PRAMEF12: variants seen among roughly 807,000 people sequenced by gnomAD.
PRAMEF12 encodes PRAME family member 12.
Under a neutral mutation model 24.6 loss-of-function variants are expected in PRAMEF12, and 24 were observed. The observed-to-expected ratio is 0.98, with a 90% CI of 0.71 to 1.37. The LOEUF is 1.37. Among genes scored for constraint, PRAMEF12 ranks in the 40% most tolerant of loss-of-function variants. The pLI is 0.00. For synonymous variants in PRAMEF12, 286 were observed against 242.6 expected (o/e 1.18, Z -1.66); for missense variants, 646 against 580.3 (o/e 1.11, Z -1.16).
At position 12,775,853 on chromosome 1, in the gene PRAMEF12, G is replaced by A. The variant is rs1639043216; in HGVS notation, c.598G>A (p.Val200Met). The A allele has an allele frequency of 6.2e-7, 1 of 1,613,960 alleles. No individual in the cohort carries two copies. Among genetic ancestry groups the A allele is most frequent in the Non-Finnish European group, 8.5e-7 (1 of 1,180,016 alleles). Residue 200 changes from valine to methionine, a missense_variant, in exon 2 of 3, where the codon GTG (valine) becomes ATG (methionine). By Grantham distance (21) the Val-to-Met change is conservative (BLOSUM62 1). Coordinates refer to ENST00000357726, the MANE Select transcript of PRAMEF12 (RefSeq NM_001080830.5). ...IHRIIEVLNT[V>M]ELDCIQEVEV... The stretch of plus-strand genomic sequence containing the variant: ...CAGGATCATAGAGGTCCTGAACACG[G>A]TGGAGCTAGACTGTATCCAGGAGGT...
In PRAMEF12 at chr1:12,773,868, C is replaced by A. The variant is rs1023199111; in HGVS notation, c.-1000C>A. Among the ~76,000 whole-genome samples the A allele has an allele frequency of 1.3e-5, 2 of 152,192 alleles. No homozygotes were observed. Among genetic ancestry groups the A allele is most frequent in the Non-Finnish European group, 2.9e-5 (2 of 68,028 alleles). On this transcript the variant is annotated 5_prime_UTR_variant, in exon 1 of 3. Coordinates refer to ENST00000357726, the MANE Select transcript of PRAMEF12 (RefSeq NM_001080830.5). ...GCCCATCTGATCTGCAGCCAGCCAG[C>A]CAGTCAGGGATGGTGACATGCAGCC...
At position 12,774,343 on chromosome 1, in the gene PRAMEF12, T is replaced by C. The variant is rs538973593; in HGVS notation, c.-525T>C. On this transcript the variant is annotated 5_prime_UTR_variant, in exon 1 of 3. Transcript: ENST00000357726. ...ACCTTCATCTGAGAGTTAGTGTTTT[T>C]ATCCCTAACTTTCACAGGCTCTAGA... is the stretch of plus-strand genomic sequence containing the variant. 3.3e-5 allele frequency among the ~76,000 whole-genome samples: 5 copies of C among 152,206 alleles called. No individual in the cohort carries two copies. Among genetic ancestry groups the C allele is most frequent in the Non-Finnish European group, 7.3e-5 (5 of 68,030 alleles).
chr1:12,777,658 G>A lies in PRAMEF12; in HGVS notation c.*59G>A. The A allele has an allele frequency of 2.5e-6, 4 of 1,576,704 alleles. No homozygotes were observed. Among genetic ancestry groups the A allele is most frequent in the African/African-American group, 1.4e-5 (1 of 74,030 alleles). On this transcript the variant is annotated 3_prime_UTR_variant, in exon 3 of 3. Transcript: ENST00000357726. ...AGGCCATGAGTGTATGTCAAAGGGA[G>A]CACAGACCCATCGTTTCATATGCCT...
chr1:12,775,742 A>G lies in PRAMEF12; in HGVS notation c.487A>G (p.Thr163Ala). ...FKNGTLDECL[T>A]HFLEWGKQRK... ...GAATGGGACGCTGGATGAATGCCTCACCCACTTCTTAGAGTGGGGCAAGCA... is the reference window on the plus strand; with the variant it reads ...GAATGGGACGCTGGATGAATGCCTCGCCCACTTCTTAGAGTGGGGCAAGCA... The change falls in exon 2 of 3, where the codon ACC becomes GCC. Residue 163 changes from threonine to alanine, a missense_variant. Coordinates refer to ENST00000357726, the MANE Select transcript of PRAMEF12 (RefSeq NM_001080830.5). 3.7e-6 allele frequency: 6 copies of G among 1,613,606 alleles called. No individual in the cohort carries two copies. Among genetic ancestry groups the G allele is most frequent in the South Asian group, 1.1e-5 (1 of 91,050 alleles).
rs550802607 is a variant in PRAMEF12 at position 12,773,747 on chromosome 1, C to G, written c.-1121C>G. 6.6e-6 allele frequency among the ~76,000 whole-genome samples: 1 copy of G among 152,222 alleles called. No individual in the cohort carries two copies. The highest frequency in any genetic ancestry group is 1.9e-4 in the East Asian group (1 of 5,174). ...AAGGTGCACAGGAGAGAATCCAAGG[C>G]GCTGACACCTGGAGCTACTGCTCGG... On this transcript the variant is annotated 5_prime_UTR_variant, in exon 1 of 3. Transcript: ENST00000357726.
rs757628233 is a variant in PRAMEF12 at position 12,777,470 on chromosome 1, G to A, written c.1323G>A (p.Arg441=). 7 of 1,614,106 alleles carry A rather than the reference G, an allele frequency of 4.3e-6. No individual in the cohort carries two copies. The highest frequency in any genetic ancestry group is 5.1e-6 in the Non-Finnish European group (6 of 1,180,014). The part of the protein sequence containing the change: ...QLGAELMKTL[R]DLRQPKIIVF... ...GGGCTGAGCTGATGAAGACACTGAG[G>A]GACTTAAGGCAGCCCAAGATAATTG... Residue 441 remains arginine (R), a synonymous_variant, in exon 3 of 3, where the codon AGG becomes AGA. Coordinates refer to ENST00000357726, the MANE Select transcript of PRAMEF12 (RefSeq NM_001080830.5).
At position 12,774,923 on chromosome 1, in the gene PRAMEF12, G is replaced by A. The variant is rs368803182; in HGVS notation, c.56G>A (p.Arg19Lys). ...GAGCTGGCTGAGCAGAGTCTGCTGA[G>A]AGACCGGGCCTTGGCCATCCCCACC... ...LLELAEQSLL[R>K]DRALAIPTLE... The change falls in exon 1 of 3, where the codon AGA (arginine) becomes AAA (lysine). Residue 19 changes from arginine (R) to lysine (K), a missense_variant. Arg to Lys is a conservative substitution (Grantham distance 26, BLOSUM62 2). Coordinates refer to ENST00000357726, the MANE Select transcript of PRAMEF12 (RefSeq NM_001080830.5). 9.9e-6 allele frequency: 16 copies of A among 1,613,950 alleles called. No homozygotes were observed. Among genetic ancestry groups the A allele is most frequent in the African/African-American group, 1.3e-5 (1 of 74,916 alleles).
At position 12,775,601 on chromosome 1, in the gene PRAMEF12, T is replaced by TG. The variant is rs772319780; in HGVS notation, c.348dup (p.Ser117ValfsTer13). 3 of 1,613,926 alleles carry TG rather than the reference T, an allele frequency of 1.9e-6. No individual in the cohort carries two copies. Among genetic ancestry groups the TG allele is most frequent in the Non-Finnish European group, 2.5e-6 (3 of 1,179,958 alleles). ...TGTGGATGAGAACTTCTGGGGCATA[T>TG]GGTCTGGAGCTTCTGCACTCTCCCC... On this transcript the variant is annotated frameshift_variant, in exon 2 of 3. Transcript: ENST00000357726. LOFTEE classifies it high-confidence loss of function.
Position 12,775,862 on chromosome 1 carries a change from G to T in PRAMEF12, c.607G>T (p.Asp203Tyr). Residue 203 changes from aspartate (D) to tyrosine (Y), a missense_variant, in exon 2 of 3, where the codon GAC becomes TAC. By Grantham distance (160) the Asp-to-Tyr change is radical. Transcript: ENST00000357726. ...AGAGGTCCTGAACACGGTGGAGCTA[G>T]ACTGTATCCAGGAGGTGGAAGTGTG... ...IIEVLNTVEL[D>Y]CIQEVEVCCP... The T allele has an allele frequency of 6.2e-7, 1 of 1,614,116 alleles. No homozygotes were observed. The highest frequency in any genetic ancestry group is 2.2e-5 in the East Asian group (1 of 44,858).
In PRAMEF12 at chr1:12,777,401, T is replaced by C. The variant is rs771669808; in HGVS notation, c.1254T>C (p.Tyr418=). Residue 418 remains tyrosine, a synonymous_variant, in exon 3 of 3, where the codon TAT becomes TAC. Transcript: ENST00000357726. ...LELYPAPLES[Y]DAQGALCWGR... ...TGTATCCTGCCCCTCTGGAGAGTTA[T>C]GATGCCCAGGGTGCTCTCTGCTGGG... 6.2e-7 allele frequency: 1 copy of C among 1,613,920 alleles called. No homozygotes were observed. Among genetic ancestry groups the C allele is most frequent in the Non-Finnish European group, 8.5e-7 (1 of 1,179,892 alleles).
rs1050424010 is a variant in PRAMEF12 at position 12,774,539 on chromosome 1, G to A, written c.-329G>A. On this transcript the variant is annotated 5_prime_UTR_variant, in exon 1 of 3. It introduces an in-frame stop codon into an upstream open reading frame of the 5' UTR. Transcript: ENST00000357726. ...TTCTCGTTCCCATTGTTTTAGGGTG[G>A]TAAGTGACAAGAAATATTTTCTCAA... Among the ~76,000 whole-genome samples, 2 of 152,194 alleles carry A rather than the reference G, an allele frequency of 1.3e-5. No homozygotes were observed. The highest frequency in any genetic ancestry group is 2.9e-5 in the Non-Finnish European group (2 of 68,042).
Position 12,774,784 on chromosome 1 carries a change from C to A in PRAMEF12, c.-84C>A. ...GAACTAATTACCTTTCCACCTCTAC[C>A]AGAGCAATGACATTGGCACTAGGAG... On this transcript the variant is annotated 5_prime_UTR_variant, in exon 1 of 3. Transcript: ENST00000357726. 1 of 1,359,846 alleles carries A rather than the reference C, an allele frequency of 7.4e-7. No homozygotes were observed. Among genetic ancestry groups the A allele is most frequent in the Non-Finnish European group, 1.0e-6 (1 of 991,698 alleles). The allele number at this position is 1,359,846 out of a possible 1,614,324, so 84.2% of individuals were successfully genotyped here.
chr1:12,777,315 A>C lies in PRAMEF12; in HGVS notation c.1168A>C (p.Met390Leu), dbSNP rs192891447. Reference sequence around the variant, plus strand: ...CAGCTTCTGTGGGAACCTCATCTCCATGGCCGCCCTGGAGAACCTGCTGCG... The same window carrying C: ...CAGCTTCTGTGGGAACCTCATCTCCCTGGCCGCCCTGGAGAACCTGCTGCG... The part of the protein sequence containing the change: ...TFSFCGNLIS[M>L]AALENLLRHT... The change falls in exon 3 of 3, where the codon ATG becomes CTG. Residue 390 changes from methionine to leucine, a missense_variant. Coordinates refer to ENST00000357726, the MANE Select transcript of PRAMEF12 (RefSeq NM_001080830.5). 3.7e-5 allele frequency: 60 copies of C among 1,612,892 alleles called. No homozygotes were observed. In the African/African-American group the frequency reaches 7.2e-4, roughly 19 times the overall value.
In PRAMEF12 at chr1:12,775,161, T is replaced by A. The variant is rs780170279; in HGVS notation, c.287+7T>A. Reference sequence around the variant, plus strand: ...CCCAGAAGGTTCGCCCCAGGTGAGGTGACCCAGCTAACCAGGTGGGGAGGG... The same window carrying A: ...CCCAGAAGGTTCGCCCCAGGTGAGGAGACCCAGCTAACCAGGTGGGGAGGG... On this transcript the variant is annotated splice_region_variant and intron_variant, in intron 1 of 2. Transcript: ENST00000357726. The A allele has an allele frequency of 1.6e-5, 26 of 1,602,880 alleles. No homozygotes were observed. The highest frequency in any genetic ancestry group is 2.0e-5 in the Non-Finnish European group (24 of 1,174,168).
Position 12,777,690 on chromosome 1 carries a change from T to A in PRAMEF12, c.*91T>A, listed in dbSNP as rs763408973. ...CCCATCGTTTCATATGCCTGCTCAA[T>A]GTGAACCGGAAAGGAAAGGGGATGC... On this transcript the variant is annotated 3_prime_UTR_variant, in exon 3 of 3. Coordinates refer to ENST00000357726, the MANE Select transcript of PRAMEF12 (RefSeq NM_001080830.5). The A allele has an allele frequency of 6.9e-7, 1 of 1,449,792 alleles. No homozygotes were observed. The highest frequency in any genetic ancestry group is 9.4e-7 in the Non-Finnish European group (1 of 1,059,918). 89.8% of individuals were successfully genotyped at this position (1,449,792 alleles called of 1,614,324 possible).
Position 12,777,655 on chromosome 1 carries a change from G to A in PRAMEF12, c.*56G>A. 6.3e-7 allele frequency: 1 copy of A among 1,591,600 alleles called. No homozygotes were observed. Among genetic ancestry groups the A allele is most frequent in the Non-Finnish European group, 8.6e-7 (1 of 1,163,112 alleles). The stretch of plus-strand genomic sequence containing the variant: ...CCTAGGCCATGAGTGTATGTCAAAG[G>A]GAGCACAGACCCATCGTTTCATATG... On this transcript the variant is annotated 3_prime_UTR_variant, in exon 3 of 3. Transcript: ENST00000357726.
Position 12,775,640 on chromosome 1 carries a change from A to G in PRAMEF12, c.385A>G (p.Lys129Glu). 9 of 1,614,010 alleles carry G rather than the reference A, an allele frequency of 5.6e-6. No homozygotes were observed. Among genetic ancestry groups the G allele is most frequent in the Non-Finnish European group, 7.6e-6 (9 of 1,180,002 alleles). The change falls in exon 2 of 3, where the codon AAG becomes GAG. Residue 129 changes from lysine to glutamate, a missense_variant. By Grantham distance (56) the Lys-to-Glu change is moderately conservative (BLOSUM62 1). Transcript: ENST00000357726. ...TGCACTCTCCCCAGAGGCCCTGAGT[A>G]AGAGACGAACAGCAGGGAACTGTCC... ...ASALSPEALSKRRTAGNCPRP... is the reference protein window; with the variant it reads ...ASALSPEALSERRTAGNCPRP...
rs1376654323 is a variant in PRAMEF12, at chr1:12,775,149, C to T, written c.282C>T (p.Arg94=). 18 of 1,608,418 alleles carry T rather than the reference C, an allele frequency of 1.1e-5. No homozygotes were observed. Among genetic ancestry groups the T allele is most frequent in the Non-Finnish European group, 1.5e-5 (18 of 1,176,798 alleles). ...GLDALLAQKV[R]PRRWKLQVLD... ...ATGCACTGCTTGCCCAGAAGGTTCGCCCCAGGTGAGGTGACCCAGCTAACC... is the reference window on the plus strand; with the variant it reads ...ATGCACTGCTTGCCCAGAAGGTTCGTCCCAGGTGAGGTGACCCAGCTAACC... Residue 94 remains arginine (R), a synonymous_variant, in exon 1 of 3, where the codon CGC becomes CGT. Transcript: ENST00000357726.
Position 12,775,038 on chromosome 1 carries a change from G to A in PRAMEF12, c.171G>A (p.Gln57=). The A allele has an allele frequency of 4.3e-6, 7 of 1,614,184 alleles. No individual in the cohort carries two copies. Among genetic ancestry groups the A allele is most frequent in the African/African-American group, 2.7e-5 (2 of 75,042 alleles). The stretch of plus-strand genomic sequence containing the variant: ...GCGAGACCCTGACAACTATGGTGCA[G>A]GCCTGGCCCTTCACCTGCCTTCCTC... ...RCCETLTTMV[Q]AWPFTCLPLG... Residue 57 remains glutamine, a synonymous_variant, in exon 1 of 3, where the codon CAG becomes CAA. Coordinates refer to ENST00000357726, the MANE Select transcript of PRAMEF12 (RefSeq NM_001080830.5).
Sources: allele counts gnomAD v4.1 joint callset (sites outside exome capture counted in the v4.1 genomes callset), GRCh38; gene constraint gnomAD v4.1.1; transcripts MANE v1.5; gene names NCBI Gene and HGNC (gene_info 2026-07-23, HGNC 2026-07-21).